Variants in CBX2 observed in about 807,000 individuals in gnomAD.
CBX2 encodes chromobox 2.
CBX2 carries 11 observed loss-of-function variants against 21.0 expected under a neutral mutation model. The ratio of observed to expected loss-of-function variants is 0.52; its 90% CI spans 0.33 to 0.87. The LOEUF (loss-of-function observed/expected upper bound fraction) is 0.87. Ranked by LOEUF, CBX2 falls within the 40% of genes least tolerant of loss-of-function variation. The pLI, the probability that CBX2 is intolerant of heterozygous loss-of-function variation, is 0.02. For missense variants in CBX2, 746 were observed against 724.3 expected, an observed-to-expected ratio of 1.03 and a Z score of -0.34; for synonymous variants, 364 against 304.6, an observed-to-expected ratio of 1.19 and a Z score of -2.03.
chr17:79,779,252 C>G, intron 2 of CBX2, 110 bp from the exon 3 acceptor site: 1 of 1,016,812 alleles, frequency 9.8e-7, no homozygotes, highest in Non-Finnish European at 1.5e-6. Context: ...TACGGTGCCA[C>G]TGCCATCGGC....
Position 79,784,608 on chromosome 17 carries a change from G to T in CBX2, c.1165G>T (p.Gly389Trp). 3 of 1,612,588 alleles carry T rather than the reference G, an allele frequency of 1.9e-6. No homozygotes were observed. The highest frequency in any genetic ancestry group is 2.5e-6 in the Non-Finnish European group (3 of 1,179,928). The change falls in exon 5 of 5, where the codon GGG becomes TGG. Residue 389 changes from glycine to tryptophan, a missense_variant. Transcript: ENST00000310942. The surrounding 1 kb of genome is among the most constrained non-coding windows in gnomAD (Gnocchi z 5.9). ...TGTCCCGGCCACCAACCCAGCCCCT[G>T]GGAAGGGCACTGGGAGTGGCCTCAT... is the stretch of plus-strand genomic sequence containing the variant. ...KGVPATNPAP[G>W]KGTGSGLIGA...
At chr17:79,783,460 A>G (rs1269593304) in intron 4 of CBX2, among the ~76,000 whole-genome samples, 3 of 147,024 alleles carry the variant, frequency 2.0e-5, no homozygotes, top group Non-Finnish European at 4.5e-5. Flanking sequence ...CCCAGGCTGG[A>G]GTTCAGTGGC....
rs1555831234 is a variant in CBX2 at position 79,784,462 on chromosome 17, G to T, written c.1019G>T (p.Cys340Phe). 2 of 1,612,122 alleles carry T rather than the reference G, an allele frequency of 1.2e-6. No individual in the cohort carries two copies. Among genetic ancestry groups the T allele is most frequent in the South Asian group, 1.1e-5 (1 of 91,048 alleles). ...GGTGCCAGCAGGGTGCCTGCTGGGT[G>T]CCCAGGCCCCCAGCCAGCACCCACC... ...THGASRVPAG[C>F]PGPQPAPTQE... Residue 340 changes from cysteine to phenylalanine, a missense_variant, in exon 5 of 5, where the codon TGC (cysteine) becomes TTC (phenylalanine). By Grantham distance (205) the Cys-to-Phe change is radical. Around this residue, in one of 2 missense-constraint regions of CBX2, gnomAD observed 701 missense variants for 650.7 expected, o/e 1.08. Coordinates refer to ENST00000310942, the MANE Select transcript of CBX2 (RefSeq NM_005189.3). This position sits in a 1 kb window ranked among gnomAD's most constrained non-coding sequence, Gnocchi z 5.9.
At chr17:79,777,959 G>T (rs1906843372), upstream of CBX2, among the ~76,000 whole-genome samples, 1 of 141,838 alleles carries the variant, frequency 7.1e-6, no homozygotes, top group African/African-American at 2.5e-5. Flanking sequence ...CCCCGCGCGG[G>T]ACCCCCCGCC....
chr17:79,777,923 A>ACCCCCG (rs1221758472), upstream of CBX2, among the ~76,000 whole-genome samples: 2,565 of 92,382 alleles, frequency 0.028, 64 homozygotes, highest in African/African-American at 0.086. Flanking sequence ...CCGCGCCCCC[A>ACCCCCG]CCCCCGCCCC....
In CBX2 at chr17:79,783,937, G is replaced by C. The variant is rs1466273287; in HGVS notation, c.494G>C (p.Gly165Ala). 1 of 1,613,878 alleles carries C rather than the reference G, an allele frequency of 6.2e-7. No individual in the cohort carries two copies. The highest frequency in any genetic ancestry group is 8.5e-7 in the Non-Finnish European group (1 of 1,180,058). Reference sequence around the variant, plus strand: ...AAGGATCCCATCCGGAAGAAGCGGGGACGAAAGCCCCTGCCCCCAGAGCAA... The same window carrying C: ...AAGGATCCCATCCGGAAGAAGCGGGCACGAAAGCCCCTGCCCCCAGAGCAA... ...ELKDPIRKKR[G>A]RKPLPPEQKA... The change falls in exon 5 of 5, where the codon GGA becomes GCA. Residue 165 changes from glycine to alanine, a missense_variant. By Grantham distance (60) the Gly-to-Ala change is moderately conservative. Around this residue, in one of 2 missense-constraint regions of CBX2, gnomAD observed 701 missense variants for 650.7 expected, o/e 1.08. Coordinates refer to ENST00000310942, the MANE Select transcript of CBX2 (RefSeq NM_005189.3).
intron 4 of CBX2, among the ~76,000 whole-genome samples, chr17:79,783,033 T>A (rs1385422983): frequency 6.6e-6 from 1 of 152,202 alleles, no homozygotes; most frequent in Non-Finnish European, 1.5e-5. Context: ...TGCTACTTAA[T>A]ACGACTTGTA....
chr17:79,782,996 A>G (rs1907345891), intron 4 of CBX2, among the ~76,000 whole-genome samples: 1 of 152,188 alleles, frequency 6.6e-6, no homozygotes, highest in African/African-American at 2.4e-5. Flanking sequence ...ACTGAAGCCC[A>G]CTTGGTGTAG....
rs565728678 is a variant in CBX2 at position 79,782,199 on chromosome 17, G to A, written c.288+398G>A. 43 of 1,609,786 alleles carry A rather than the reference G, an allele frequency of 2.7e-5. No homozygotes were observed. In the Admixed American group the frequency reaches 6.4e-4, roughly 24 times the overall value. Reference sequence around the variant, plus strand: ...TGTGACTCAAAAGCCTAAGATTTGGGGGCTACTCCGGGCCCACCTGCGGGT... The same window carrying A: ...TGTGACTCAAAAGCCTAAGATTTGGAGGCTACTCCGGGCCCACCTGCGGGT... On this transcript the variant is annotated intron_variant, in intron 4 of 4. Coordinates refer to ENST00000310942, the MANE Select transcript of CBX2 (RefSeq NM_005189.3).
intron 3 of CBX2, among the ~76,000 whole-genome samples, chr17:79,780,869 A>T (rs1011398191): frequency 6.6e-6 from 1 of 152,242 alleles, no homozygotes; most frequent in Non-Finnish European, 1.5e-5. Flanking sequence ...GTTAAGGACC[A>T]GCACTTAAGA....
chr17:79,782,604 A>T (rs1436292964), intron 4 of CBX2: 2 of 613,438 alleles, frequency 3.3e-6, no homozygotes, highest in African/African-American at 3.9e-5. Flanking sequence ...TTCCTGAATG[A>T]ACAGGATTCC....
At chr17:79,782,428 C>T (rs956541672) in intron 4 of CBX2, 9 of 1,308,286 alleles carry the variant, frequency 6.9e-6, no homozygotes, top group South Asian at 3.1e-5. Flanking sequence ...CGTGGTAGGG[C>T]CCCTCCCTCC....
intron 4 of CBX2, chr17:79,782,509 T>A: frequency 4.3e-6 from 5 of 1,172,140 alleles, no homozygotes; most frequent in Non-Finnish European, 5.3e-6. Flanking sequence ...TGGCTTTGAT[T>A]CCCTCCTCCG....
intron 4 of CBX2, chr17:79,782,356 C>T: frequency 2.1e-6 from 3 of 1,451,640 alleles, no homozygotes; most frequent in Non-Finnish European, 2.7e-6. Flanking sequence ...ACTGTCCTGT[C>T]ACCCCTCCTC....
Position 79,784,690 on chromosome 17 carries a change from C to G in CBX2, c.1247C>G (p.Ser416Cys), listed in dbSNP as rs1555831314. 1 of 1,611,980 alleles carries G rather than the reference C, an allele frequency of 6.2e-7. No individual in the cohort carries two copies. The highest frequency in any genetic ancestry group is 1.7e-5 in the Admixed American group (1 of 59,920). The change falls in exon 5 of 5, where the codon TCC becomes TGC. Residue 416 changes from serine to cysteine, a missense_variant. Coordinates refer to ENST00000310942, the MANE Select transcript of CBX2 (RefSeq NM_005189.3). The surrounding 1 kb of genome is among the most constrained non-coding windows in gnomAD (Gnocchi z 5.9). ...TDTSKSEKLA[S>C]RAVAPPTPAS... ...ACAAGCAAAAGTGAGAAGCTGGCTT[C>G]CAGAGCAGTGGCGCCACCCACCCCT...
At chr17:79,781,901 C>T in intron 4 of CBX2, 100 bp downstream of exon 4, 1 of 1,614,170 alleles carries the variant, frequency 6.2e-7, no homozygotes, top group Non-Finnish European at 8.5e-7. Flanking sequence ...AAGGGGGTGG[C>T]ACTTCTGCCA....
At chr17:79,783,408 ATCT>A (rs1358527222) in intron 4 of CBX2, among the ~76,000 whole-genome samples, 3 of 139,486 alleles carry the variant, frequency 2.2e-5, no homozygotes, top group Admixed American at 7.0e-5. Flanking sequence ...CTTCTCCTTT[ATCT>A]TTTTTTTTTT....
chr17:79,787,100 C>G lies in CBX2; in HGVS notation c.*2058C>G, dbSNP rs577955753. 6.6e-6 allele frequency: 1 copy of G among 152,484 alleles called. No homozygotes were observed. Among genetic ancestry groups the G allele is most frequent in the East Asian group, 1.9e-4 (1 of 5,188 alleles). The allele number at this position is 152,484 out of a possible 1,614,324, so 9.4% of individuals were successfully genotyped here. On this transcript the variant is annotated 3_prime_UTR_variant, in exon 5 of 5. Transcript: ENST00000310942. ...GAGAGGGAGAGATTCCAGCTCACTG[C>G]GCAGCCTGGGAGGAGGCGTGGATCC...
Position 79,778,345 on chromosome 17 carries a change from C to T in CBX2, c.72+38C>T. On this transcript the variant is annotated intron_variant, in intron 1 of 4. Coordinates refer to ENST00000310942, the MANE Select transcript of CBX2 (RefSeq NM_005189.3). The surrounding 1 kb of genome is among the most constrained non-coding windows in gnomAD (Gnocchi z 4.8). ...CGCCGGGCCCCCCGCCCGCCGCCCG[C>T]TGTCCGTCTGGCTCACGGCCCCTCT... The T allele has an allele frequency of 6.3e-7, 1 of 1,576,280 alleles. No individual in the cohort carries two copies. Among genetic ancestry groups the T allele is most frequent in the Non-Finnish European group, 8.6e-7 (1 of 1,166,186 alleles).
Sources: allele counts gnomAD v4.1 joint callset (sites outside exome capture counted in the v4.1 genomes callset), GRCh38; gene constraint gnomAD v4.1.1; regional missense constraint gnomAD v4.1.1; non-coding constraint Gnocchi (gnomAD v3.1); transcripts MANE v1.5; gene names NCBI Gene and HGNC (gene_info 2026-07-23, HGNC 2026-07-21).